Variants in CRIM1 observed in about 807,000 individuals in gnomAD.
CRIM1 encodes the protein cysteine-rich motor neuron 1 protein.
A neutral mutation model predicts 116.4 loss-of-function variants in CRIM1; 32 were observed. The observed-to-expected ratio is 0.27, with a 90% CI of 0.21 to 0.37. CRIM1 has a LOEUF of 0.37. Among genes scored for constraint, CRIM1 ranks in the 10% least tolerant of loss-of-function variants. The probability of loss-of-function intolerance (pLI) is 1.00; values close to 1 mark genes in which losing one functional copy is unlikely to be tolerated. For missense variants in CRIM1, 1,331 were observed against 1,354.8 expected, an observed-to-expected ratio of 0.98 and a Z score of 0.28; for synonymous variants, 590 against 509.2, an observed-to-expected ratio of 1.16 and a Z score of -2.13.
At chr2:36,540,832 A>T (rs559609420) in intron 14 of CRIM1, among the ~76,000 whole-genome samples, 36 of 152,182 alleles carry the variant, frequency 2.4e-4, no homozygotes, top group Non-Finnish European at 4.9e-4. Flanking sequence ...ACCCAAATTC[A>T]GGTAGTGGTG....
chr2:36,441,217 A>C, intron 2 of CRIM1, 41 bp from the exon 3 acceptor site: 1 of 1,611,636 alleles, frequency 6.2e-7, no homozygotes, highest in Non-Finnish European at 8.5e-7. Flanking sequence ...AGTGCCCCAC[A>C]CTGCCCTGGG....
At chr2:36,464,360 C>G (rs1362721492) in intron 4 of CRIM1, among the ~76,000 whole-genome samples, 174 bp from the exon 5 acceptor site, 3 of 152,172 alleles carry the variant, frequency 2.0e-5, no homozygotes, top group Non-Finnish European at 2.9e-5. Context: ...TATTTGAAAG[C>G]AAATTATGGT....
Position 36,441,299 on chromosome 2 carries a change from T to C in CRIM1, c.547T>C (p.Phe183Leu). Residue 183 changes from phenylalanine to leucine, a missense_variant, in exon 3 of 17, where the codon TTC becomes CTC. By Grantham distance (22) the Phe-to-Leu change is conservative. This residue lies in a region of CRIM1 where 690 missense variants were observed against 676.0 expected (regional missense o/e 1.02). Transcript: ENST00000280527. ...CTCCAAGGCCCGCTGTGAAGTCCAG[T>C]TCTCTCCACGTTGTCCTGAAGATTC... ...DCSKARCEVQ[F>L]SPRCPEDSVL... is the part of the protein sequence containing the mutation. The C allele has an allele frequency of 6.2e-7, 1 of 1,614,198 alleles. No homozygotes were observed. The highest frequency in any genetic ancestry group is 8.5e-7 in the Non-Finnish European group (1 of 1,180,012).
At chr2:36,386,824 G>A (rs1008295205) in intron 1 of CRIM1, among the ~76,000 whole-genome samples, 6 of 152,176 alleles carry the variant, frequency 3.9e-5, no homozygotes, top group African/African-American at 1.4e-4. Context: ...TATAGAGTGG[G>A]GAAACCTAAA....
chr2:36,370,529 A>G (rs967342464), intron 1 of CRIM1, among the ~76,000 whole-genome samples: 1 of 152,240 alleles, frequency 6.6e-6, no homozygotes, highest in Non-Finnish European at 1.5e-5. Flanking sequence ...CTTGAGGGAG[A>G]TAAAGTATTT....
chr2:36,389,827 A>C (rs1444556961), intron 1 of CRIM1, among the ~76,000 whole-genome samples: 3 of 152,168 alleles, frequency 2.0e-5, no homozygotes, highest in African/African-American at 4.8e-5. Context: ...GATATGTTGA[A>C]GAGCATAGAG....
intron 4 of CRIM1, among the ~76,000 whole-genome samples, chr2:36,458,756 G>C (rs1445957893): frequency 6.6e-6 from 1 of 152,100 alleles, no homozygotes; most frequent in African/African-American, 2.4e-5. Context: ...AGGTCAGTTT[G>C]CAGCAGTGAC....
chr2:36,519,589 A>G (rs1456266574), intron 12 of CRIM1, among the ~76,000 whole-genome samples: 1 of 152,228 alleles, frequency 6.6e-6, no homozygotes, highest in Non-Finnish European at 1.5e-5. Flanking sequence ...ATCATCTCTA[A>G]TCTTAGGACA....
At chr2:36,506,576 GA>G (rs1303939773) in intron 8 of CRIM1, among the ~76,000 whole-genome samples, 1 of 152,008 alleles carries the variant, frequency 6.6e-6, no homozygotes, top group African/African-American at 2.4e-5. Flanking sequence ...TATTTTTCCA[GA>G]ATGAACAGAG....
At chr2:36,538,740 CTT>C (rs1666733439) in intron 14 of CRIM1, among the ~76,000 whole-genome samples, 1 of 152,032 alleles carries the variant, frequency 6.6e-6, no homozygotes, top group Non-Finnish European at 1.5e-5. Context: ...GTTGGGTTCT[CTT>C]TATAGTTTTC....
chr2:36,474,938 C>A (rs1176894449), intron 5 of CRIM1, among the ~76,000 whole-genome samples: 1 of 150,594 alleles, frequency 6.6e-6, no homozygotes, highest in Non-Finnish European at 1.5e-5. Flanking sequence ...TTCCTGAACT[C>A]TCAATTCCAT....
chr2:36,513,637 G>A lies in CRIM1; in HGVS notation c.1862G>A (p.Ser621Asn), dbSNP rs535867218. Residue 621 changes from serine (S) to asparagine (N), a missense_variant, in exon 11 of 17, where the codon AGC (serine) becomes AAC (asparagine). By Grantham distance (46) the Ser-to-Asn change is conservative. This residue lies in a region of CRIM1 where 358 missense variants were observed against 436.1 expected (regional missense o/e 0.82). Transcript: ENST00000280527. Reference protein sequence around the residue: ...VDGHHHKNEESWHDGCRECYC... With the variant: ...VDGHHHKNEENWHDGCRECYC... ...GGTCATCATCATAAAAATGAGGAGA[G>A]CTGGCACGATGGGTGCCGGGAATGC... 6 of 1,614,094 alleles carry A rather than the reference G, an allele frequency of 3.7e-6. No homozygotes were observed. The highest frequency in any genetic ancestry group is 5.1e-6 in the Non-Finnish European group (6 of 1,180,040).
chr2:36,451,856 G>A (rs536670945), intron 4 of CRIM1, among the ~76,000 whole-genome samples: 2 of 152,282 alleles, frequency 1.3e-5, no homozygotes, highest in South Asian at 4.1e-4. Flanking sequence ...AGCTCAGAAA[G>A]CACTTCTTTT....
intron 5 of CRIM1, among the ~76,000 whole-genome samples, chr2:36,466,946 A>C (rs1336348460): frequency 6.6e-6 from 1 of 152,180 alleles, no homozygotes; most frequent in Non-Finnish European, 1.5e-5. Flanking sequence ...CTAGATACCC[A>C]TGGGTCATTC....
intron 1 of CRIM1, among the ~76,000 whole-genome samples, chr2:36,393,454 C>T (rs1410037275): frequency 1.3e-5 from 2 of 151,916 alleles, no homozygotes; most frequent in Admixed American, 6.6e-5. Context: ...ACTGCATTGA[C>T]CATACCAGTG....
chr2:36,517,575 G>A, intron 12 of CRIM1, 33 bp downstream of exon 12: 1 of 1,589,892 alleles, frequency 6.3e-7, no homozygotes, highest in Non-Finnish European at 8.6e-7. Context: ...GGTGCTTGGT[G>A]GGGAAGGATG....
intron 7 of CRIM1, among the ~76,000 whole-genome samples, chr2:36,488,084 A>C (rs1005937397): frequency 6.6e-6 from 1 of 152,198 alleles, no homozygotes; most frequent in African/African-American, 2.4e-5. Context: ...TCCTATAAAA[A>C]CAGAATGATT....
At chr2:36,388,695 G>A (rs1183827197) in intron 1 of CRIM1, among the ~76,000 whole-genome samples, 1 of 152,062 alleles carries the variant, frequency 6.6e-6, no homozygotes, top group Non-Finnish European at 1.5e-5. Flanking sequence ...ATGGCCCCTA[G>A]GTTAGGCAGA....
chr2:36,402,718 T>G (rs931069404), intron 2 of CRIM1, among the ~76,000 whole-genome samples: 41 of 144,836 alleles, frequency 2.8e-4, no homozygotes, highest in African/African-American at 8.7e-4. Context: ...ATGAAGAGAA[T>G]TAGGTGCATT....
Sources: allele counts gnomAD v4.1 joint callset (sites outside exome capture counted in the v4.1 genomes callset), GRCh38; gene constraint gnomAD v4.1.1; regional missense constraint gnomAD v4.1.1; transcripts MANE v1.5; gene names NCBI Gene and HGNC (gene_info 2026-07-23, HGNC 2026-07-21).